The following ASB17 variants were observed in gnomAD, a reference collection of about 807,000 sequenced individuals.
ASB17 encodes ankyrin repeat and SOCS box containing 17, also known as ankyrin repeat and SOCS box protein 17.
A neutral mutation model predicts 25.7 loss-of-function variants in ASB17; 26 were observed. That is an observed-to-expected ratio of 1.01 (90% CI 0.74 to 1.40). The LOEUF (loss-of-function observed/expected upper bound fraction) is 1.40, where lower values mean the gene tolerates loss of function less well. Among genes scored for constraint, ASB17 ranks in the 40% most tolerant of loss-of-function variants. The probability of loss-of-function intolerance (pLI) is 0.00; values close to 1 mark genes in which losing one functional copy is unlikely to be tolerated. For missense variants in ASB17, 326 were observed against 338.5 expected, an observed-to-expected ratio of 0.96 and a Z score of 0.29; for synonymous variants, 128 against 121.4, an observed-to-expected ratio of 1.05 and a Z score of -0.36.
Position 75,919,210 on chromosome 1 carries a change from G to C in ASB17, c.682-52C>G, listed in dbSNP as rs948330351. ...TTGTAATGTTTTGTAATTTGGATTA[G>C]TCCAAATTATTAAAACTTATTTTTA... On this transcript the variant is annotated intron_variant, in intron 2 of 2. Coordinates refer to ENST00000284142, the MANE Select transcript of ASB17 (RefSeq NM_080868.3). 3.4e-6 allele frequency: 4 copies of C among 1,193,712 alleles called. No homozygotes were observed. The African/African-American group carries it at 6.2e-5, about 18-fold the overall frequency. 73.9% of individuals were successfully genotyped at this position (1,193,712 alleles called of 1,614,324 possible).
intron 1 of ASB17, among the ~76,000 whole-genome samples, chr1:75,922,970 G>A (rs1047478311): frequency 4.6e-5 from 7 of 152,172 alleles, no homozygotes; most frequent in African/African-American, 1.4e-4. Flanking sequence ...TGAGAAATCT[G>A]TACTGCTTAG....
chr1:75,924,967 T>C lies in ASB17; in HGVS notation c.402-2608A>G, dbSNP rs528380181. Among the ~76,000 whole-genome samples, 14 of 152,240 alleles carry C rather than the reference T, an allele frequency of 9.2e-5. No homozygotes were observed. The South Asian group carries it at 2.7e-3, about 29-fold the overall frequency. On this transcript the variant is annotated intron_variant, in intron 1 of 2. Coordinates refer to ENST00000284142, the MANE Select transcript of ASB17 (RefSeq NM_080868.3). ...AAATTTGTATCTTTTGGAAAACTTA[T>C]TTAACACCTCTAAACTTTCATTTTC...
rs1248678431 is a variant in ASB17 at position 75,930,725 on chromosome 1, TCTC to T, written c.401+1163_401+1165del. On this transcript the variant is annotated intron_variant, in intron 1 of 2. Transcript: ENST00000284142. Reference sequence around the variant, plus strand: ...CTTTGTTTCATTTTCTGTCCAGCTTTCTCCTCTCTGCTTCCATTTTTAATTTTT... The same window carrying T: ...CTTTGTTTCATTTTCTGTCCAGCTTTCTCTCTGCTTCCATTTTTAATTTTT... Among the ~76,000 whole-genome samples the T allele has an allele frequency of 2.0e-5, 3 of 152,266 alleles. No individual in the cohort carries two copies. The East Asian group carries it at 5.8e-4, about 29-fold the overall frequency.
At chr1:75,929,687 G>A (rs537096649) in intron 1 of ASB17, among the ~76,000 whole-genome samples, 1 of 152,154 alleles carries the variant, frequency 6.6e-6, no homozygotes, top group Non-Finnish European at 1.5e-5. Flanking sequence ...GGAGTTGAGA[G>A]GGAAGAGTGG....
intron 1 of ASB17, among the ~76,000 whole-genome samples, chr1:75,925,117 C>G (rs780822158): frequency 6.6e-6 from 1 of 152,056 alleles, no homozygotes; most frequent in Non-Finnish European, 1.5e-5. Context: ...GCCCATATTA[C>G]GCACTCAAAT....
chr1:75,920,019 A>T (rs1652985602), intron 2 of ASB17, among the ~76,000 whole-genome samples: 1 of 152,332 alleles, frequency 6.6e-6, no homozygotes, highest in Non-Finnish European at 1.5e-5. Context: ...GTAACGGTCA[A>T]CTTAGCCATA....
intron 1 of ASB17, among the ~76,000 whole-genome samples, chr1:75,926,769 A>G (rs1219882742): frequency 6.6e-6 from 1 of 152,210 alleles, no homozygotes; most frequent in Admixed American, 6.5e-5. Flanking sequence ...TGTAAGAGAA[A>G]CATTAAGGAT....
intron 1 of ASB17, among the ~76,000 whole-genome samples, chr1:75,926,270 C>T (rs940181803): frequency 1.3e-5 from 2 of 152,110 alleles, no homozygotes; most frequent in Non-Finnish European, 2.9e-5. Context: ...GTGATGAGTG[C>T]TTGGAAAAAA....
In ASB17 at chr1:75,932,213, C is replaced by T. The variant is rs1280673020; in HGVS notation, c.79G>A (p.Val27Ile). The change falls in exon 1 of 3, where the codon GTT (valine) becomes ATT (isoleucine). Residue 27 changes from valine to isoleucine, a missense_variant. Transcript: ENST00000284142. ...NIFCNLLDKI[V>I]KRPSLQFLGQ... is the part of the protein sequence containing the mutation. ...AAAAACTGTAGGGAGGGTCTTTTAACAATTTTGTCAAGGAGATTGCAGAAT... is the reference window on the plus strand; with the variant it reads ...AAAAACTGTAGGGAGGGTCTTTTAATAATTTTGTCAAGGAGATTGCAGAAT... The T allele has an allele frequency of 6.2e-7, 1 of 1,613,866 alleles. No individual in the cohort carries two copies. Among genetic ancestry groups the T allele is most frequent in the Non-Finnish European group, 8.5e-7 (1 of 1,179,938 alleles).
At chr1:75,929,434 T>C (rs1422132749) in intron 1 of ASB17, among the ~76,000 whole-genome samples, 1 of 151,572 alleles carries the variant, frequency 6.6e-6, no homozygotes, top group South Asian at 2.1e-4. Context: ...GGTTTCACCA[T>C]GGTCTCGATC....
intron 1 of ASB17, 129 bp from the exon 2 acceptor site, chr1:75,922,488 C>CTTTTTTTTTTTTTTTTTTTTTTTTTTT (rs3037164): frequency 8.5e-6 from 1 of 118,088 alleles, no homozygotes; most frequent in African/African-American, 4.8e-5. Context: ...TTATATGTTT[C>CTTTTTTTTTTTTTTTTTTTTTTTTTTT]TTTTTTTTTT....
chr1:75,922,488 C>CTTTTTTTT lies in ASB17; in HGVS notation c.402-137_402-130dup, dbSNP rs3037164. ...GTCTTAAATGTAACTTTATATGTTT[C>CTTTTTTTT]TTTTTTTTTTTTTTTTTTTTTTTTT... On this transcript the variant is annotated intron_variant, in intron 1 of 2. Coordinates refer to ENST00000284142, the MANE Select transcript of ASB17 (RefSeq NM_080868.3). 250 of 122,352 alleles carry CTTTTTTTT rather than the reference C, an allele frequency of 2.0e-3. 8 individuals carry two copies. The highest frequency in any genetic ancestry group is 5.2e-3 in the Middle Eastern group (1 of 194). 7.6% of individuals were successfully genotyped at this position (122,352 alleles called of 1,614,324 possible).
chr1:75,928,751 T>G (rs559626288), intron 1 of ASB17, among the ~76,000 whole-genome samples: 80 of 152,320 alleles, frequency 5.3e-4, no homozygotes, highest in Middle Eastern at 3.4e-3. Flanking sequence ...CAAATAAAGC[T>G]GCTTCAAAAT....
intron 1 of ASB17, 54 bp from the exon 2 acceptor site, chr1:75,922,413 A>G (rs1482515555): frequency 2.1e-5 from 28 of 1,337,038 alleles, no homozygotes; most frequent in Non-Finnish European, 2.8e-5. Flanking sequence ...GAAATGTGAC[A>G]AACACTTTAT....
intron 1 of ASB17, among the ~76,000 whole-genome samples, chr1:75,928,106 T>C (rs1653222807): frequency 6.6e-6 from 1 of 152,214 alleles, no homozygotes; most frequent in Admixed American, 6.5e-5. Flanking sequence ...AGACATCACC[T>C]ATTCTATTGA....
chr1:75,922,013 T>C, intron 2 of ASB17, 67 bp downstream of exon 2: 1 of 1,323,154 alleles, frequency 7.6e-7, no homozygotes, highest in South Asian at 1.4e-5. Context: ...CTGTATTCTT[T>C]CCTTTACAGT....
In ASB17 at chr1:75,931,895, A is replaced by G. The variant is rs998788362; in HGVS notation, c.397T>C (p.Trp133Arg). 5.0e-6 allele frequency: 8 copies of G among 1,588,782 alleles called. No homozygotes were observed. Among genetic ancestry groups the G allele is most frequent in the African/African-American group, 1.4e-5 (1 of 73,810 alleles). ...QDRSCNLALIWRTFTPVYCPS... is the reference protein window; with the variant it reads ...QDRSCNLALIRRTFTPVYCPS... ...GAAAACATATGAAATTATTACCTCC[A>G]TATCAGTGCCAGGTTACAACTTCTG... Residue 133 changes from tryptophan (W) to arginine (R), a missense_variant, in exon 1 of 3, where the codon TGG (tryptophan) becomes CGG (arginine). Coordinates refer to ENST00000284142, the MANE Select transcript of ASB17 (RefSeq NM_080868.3).
At chr1:75,924,770 T>C (rs1008935980) in intron 1 of ASB17, among the ~76,000 whole-genome samples, 1 of 152,074 alleles carries the variant, frequency 6.6e-6, no homozygotes, top group Non-Finnish European at 1.5e-5. Context: ...ATCCAGGTCT[T>C]TCACATTTCT....
chr1:75,927,730 A>G (rs539660789), intron 1 of ASB17, among the ~76,000 whole-genome samples: 109 of 151,880 alleles, frequency 7.2e-4, no homozygotes, highest in African/African-American at 2.5e-3. Flanking sequence ...TGAGTAGTCT[A>G]CTAACTGGTT....
Sources: gnomAD v4.1 joint callset for allele counts (sites outside exome capture counted in the v4.1 genomes callset) on GRCh38, gnomAD v4.1.1 for gene constraint, MANE v1.5 for transcripts, NCBI Gene and HGNC (gene_info 2026-07-23, HGNC 2026-07-21) for gene names.